Variants in MECOM observed in about 807,000 individuals in gnomAD.
The protein encoded by MECOM is MDS1 and EVI1 complex locus, also known as histone-lysine N-methyltransferase MECOM.
In MECOM, 13 loss-of-function variants were observed where a neutral mutation model predicts 116.3. The observed-to-expected ratio is 0.11, with a 90% CI of 0.07 to 0.18. The LOEUF (loss-of-function observed/expected upper bound fraction) is 0.18. Ranked by LOEUF, MECOM falls within the 10% of genes least tolerant of loss-of-function variation. The probability of loss-of-function intolerance (pLI) is 1.00; values close to 1 mark genes in which losing one functional copy is unlikely to be tolerated. For missense variants in MECOM, 1,299 were observed against 1,509.0 expected (o/e 0.86, Z 2.31); for synonymous variants, 528 against 535.2 (o/e 0.99, Z 0.19).
rs146778900 is a variant in MECOM, at chr3:169,345,567, C to T, written c.375+35620G>A. ...ACAGGAGACTTTTAAAATTCAAGCACTCTAAAACTTAGCAGCACCCCTGAG... is the reference window on the plus strand; with the variant it reads ...ACAGGAGACTTTTAAAATTCAAGCATTCTAAAACTTAGCAGCACCCCTGAG... On this transcript the variant is annotated intron_variant, in intron 2 of 16. Coordinates refer to ENST00000651503, the MANE Select transcript of MECOM (RefSeq NM_004991.4). Among the ~76,000 whole-genome samples, 828 of 152,206 alleles carry T rather than the reference C, an allele frequency of 5.4e-3. 7 individuals are homozygous for T. The highest frequency in any genetic ancestry group is 0.019 in the African/African-American group (795 of 41,544).
intron 1 of MECOM, among the ~76,000 whole-genome samples, chr3:169,449,302 A>G (rs1368598860): frequency 6.6e-6 from 1 of 152,220 alleles, no homozygotes; most frequent in Non-Finnish European, 1.5e-5. Context: ...GCATGCTGTC[A>G]TAGCAAAGCC....
chr3:169,507,870 C>T (rs1401621444), intron 1 of MECOM, among the ~76,000 whole-genome samples: 1 of 151,004 alleles, frequency 6.6e-6, no homozygotes, highest in East Asian at 2.0e-4. Context: ...CCGTGTTAGC[C>T]AGGATGGTCT....
intron 1 of MECOM, among the ~76,000 whole-genome samples, chr3:169,476,554 G>A (rs1750411923): frequency 6.6e-6 from 1 of 152,210 alleles, no homozygotes; most frequent in Admixed American, 6.5e-5. Context: ...TTTACTGTGT[G>A]AAATTGGCCT....
At chr3:169,375,398 TA>T (rs56707216) in intron 2 of MECOM, among the ~76,000 whole-genome samples, 1 of 151,220 alleles carries the variant, frequency 6.6e-6, no homozygotes, top group East Asian at 2.0e-4. Context: ...AGCTGTTTTT[TA>T]AAAAAAAAAT....
In MECOM at chr3:169,611,375, G is replaced by A. The variant is rs756333645; in HGVS notation, c.37+51961C>T. Among the ~76,000 whole-genome samples, 8 of 152,324 alleles carry A rather than the reference G, an allele frequency of 5.3e-5. No individual in the cohort carries two copies. The highest frequency in any genetic ancestry group is 1.3e-4 in the Admixed American group (2 of 15,286). On this transcript the variant is annotated intron_variant, in intron 1 of 16. Transcript: ENST00000651503. This position sits in a 1 kb window ranked among gnomAD's most constrained non-coding sequence, Gnocchi z 4.1. ...GGATCCTGCAGCTCTCAACCATGCGGAGGAACGCTTCCATTCACACATTTT... is the reference window on the plus strand; with the variant it reads ...GGATCCTGCAGCTCTCAACCATGCGAAGGAACGCTTCCATTCACACATTTT...
At chr3:169,537,192 G>C (rs7625633) in intron 1 of MECOM, among the ~76,000 whole-genome samples, 11,841 of 152,128 alleles carry the variant, frequency 0.078, 543 homozygotes, top group African/African-American at 0.12. Flanking sequence ...TTTCCCCATG[G>C]GACAGCCTCT....
chr3:169,363,633 T>C (rs1728682890), intron 2 of MECOM, among the ~76,000 whole-genome samples: 2 of 151,920 alleles, frequency 1.3e-5, no homozygotes. Flanking sequence ...TGGAGAGGCA[T>C]TTCATTTAAG....
intron 2 of MECOM, among the ~76,000 whole-genome samples, chr3:169,177,252 GTGGTACATATACACCA>G (rs1292915997): frequency 6.6e-6 from 1 of 152,126 alleles, no homozygotes; most frequent in Non-Finnish European, 1.5e-5. Context: ...TAAAGAAAAT[GTGGTACATATACACCA>G]TGGAATACTA....
chr3:169,107,217 T>A (rs1725726079), intron 10 of MECOM, among the ~76,000 whole-genome samples: 1 of 152,194 alleles, frequency 6.6e-6, no homozygotes, highest in Non-Finnish European at 1.5e-5. Context: ...AGAATATTTT[T>A]AACTATATGT....
intron 2 of MECOM, among the ~76,000 whole-genome samples, chr3:169,322,733 C>G (rs1044849360): frequency 1.2e-4 from 18 of 152,064 alleles, no homozygotes; most frequent in African/African-American, 3.9e-4. Context: ...CACAGTGGCT[C>G]ATGCCTGTAA....
At chr3:169,327,408 G>A (rs1392437241) in intron 2 of MECOM, among the ~76,000 whole-genome samples, 2 of 152,156 alleles carry the variant, frequency 1.3e-5, no homozygotes, top group African/African-American at 4.8e-5. Flanking sequence ...GGGAGGCCAA[G>A]GTGGGCAGAT....
intron 2 of MECOM, among the ~76,000 whole-genome samples, chr3:169,275,425 T>C (rs1293464826): frequency 1.3e-5 from 2 of 152,196 alleles, no homozygotes; most frequent in Admixed American, 6.5e-5. Context: ...GGTGTTGTCA[T>C]TGGGTCTGTT....
chr3:169,216,285 A>T (rs956315112), intron 2 of MECOM, among the ~76,000 whole-genome samples: 1 of 152,200 alleles, frequency 6.6e-6, no homozygotes, highest in Non-Finnish European at 1.5e-5. Context: ...CGACCATCTA[A>T]ACTACTTTTT....
At chr3:169,179,041 T>A (rs990330059) in intron 2 of MECOM, among the ~76,000 whole-genome samples, 1 of 152,134 alleles carries the variant, frequency 6.6e-6, no homozygotes, top group Non-Finnish European at 1.5e-5. Context: ...TTCTGAAAAC[T>A]AGGAAAAACA....
intron 1 of MECOM, among the ~76,000 whole-genome samples, chr3:169,653,357 T>C (rs1029235037): frequency 6.6e-6 from 1 of 152,170 alleles, no homozygotes; most frequent in African/African-American, 2.4e-5. Context: ...TTTTACAGTT[T>C]ACCTAGAAAA....
At chr3:169,642,600 T>C (rs2110038875) in intron 1 of MECOM, among the ~76,000 whole-genome samples, 1 of 152,064 alleles carries the variant, frequency 6.6e-6, no homozygotes, top group East Asian at 1.9e-4. Flanking sequence ...AAAATCTGAC[T>C]GCTCGGAGAG....
intron 2 of MECOM, chr3:169,147,486 C>A (rs1740265766): frequency 1.7e-5 from 17 of 985,456 alleles, no homozygotes; most frequent in Non-Finnish European, 2.0e-5. Flanking sequence ...GGAAGCCAGA[C>A]GGGCTCCTCT....
chr3:169,164,565 A>G (rs1743286292), intron 2 of MECOM, among the ~76,000 whole-genome samples: 1 of 152,168 alleles, frequency 6.6e-6, no homozygotes, highest in South Asian at 2.1e-4. Flanking sequence ...TAAGGTTCTC[A>G]AAAGTGACCC....
chr3:169,415,036 C>T (rs1317374395), intron 1 of MECOM, among the ~76,000 whole-genome samples: 1 of 152,130 alleles, frequency 6.6e-6, no homozygotes, highest in Non-Finnish European at 1.5e-5. Flanking sequence ...CAGAGAACAA[C>T]ACAAAGATAC....
Sources: allele counts gnomAD v4.1 joint callset (sites outside exome capture counted in the v4.1 genomes callset), GRCh38; gene constraint gnomAD v4.1.1; non-coding constraint Gnocchi (gnomAD v3.1); transcripts MANE v1.5; gene names NCBI Gene and HGNC (gene_info 2026-07-23, HGNC 2026-07-21).